Variants in BBS9 observed in about 807,000 individuals in gnomAD.
The protein encoded by BBS9 is protein PTHB1.
Under a neutral mutation model 117.7 loss-of-function variants are expected in BBS9, and 89 were observed. That is an observed-to-expected ratio of 0.76 (90% confidence interval 0.64 to 0.90). The LOEUF is 0.90. Among genes scored for constraint, BBS9 ranks in the 40% least tolerant of loss-of-function variants. The probability of loss-of-function intolerance (pLI) is 0.00; values close to 1 mark genes in which losing one functional copy is unlikely to be tolerated. For synonymous variants in BBS9, 379 were observed against 370.9 expected, an observed-to-expected ratio of 1.02 and a Z score of -0.25; for missense variants, 982 against 1,042.2, an observed-to-expected ratio of 0.94 and a Z score of 0.80.
In BBS9 at chr7:33,603,183, C is replaced by A. The variant is rs148148409; in HGVS notation, c.2522-1682C>A. Among the ~76,000 whole-genome samples the A allele has an allele frequency of 2.2e-3, 341 of 152,236 alleles. 2 individuals carry two copies. Among genetic ancestry groups the A allele is most frequent in the African/African-American group, 7.8e-3 (325 of 41,550 alleles). On this transcript the variant is annotated intron_variant, in intron 21 of 22. Transcript: ENST00000242067. The stretch of plus-strand genomic sequence containing the variant: ...TTGTCTTGTGTGTGAAGGCCGCTGC[C>A]TGAGTACAGCATTCCTGGCCTCCCC...
At chr7:33,206,916 T>C (rs1562796187) in intron 5 of BBS9, among the ~76,000 whole-genome samples, 1 of 152,198 alleles carries the variant, frequency 6.6e-6, no homozygotes, top group Non-Finnish European at 1.5e-5. Flanking sequence ...TCCAATTTTC[T>C]TTGTCTTTTA....
chr7:33,366,274 A>G (rs1821696345), intron 16 of BBS9, among the ~76,000 whole-genome samples: 1 of 152,186 alleles, frequency 6.6e-6, no homozygotes, highest in Non-Finnish European at 1.5e-5. Context: ...GGCTGTCACC[A>G]ATAGGCTGTT....
intron 12 of BBS9, among the ~76,000 whole-genome samples, chr7:33,345,890 A>G (rs1198205548): frequency 6.6e-6 from 1 of 152,080 alleles, no homozygotes; most frequent in Non-Finnish European, 1.5e-5. Flanking sequence ...TGCTAATTGT[A>G]CCCCCAGCCA....
In BBS9 at chr7:33,368,577, T is replaced by TACACACACACACACACAC. The variant is rs201655079; in HGVS notation, c.1789+738_1789+755dup. Among the ~76,000 whole-genome samples the TACACACACACACACACAC allele has an allele frequency of 1.3e-3, 163 of 128,460 alleles. 2 individuals carry two copies. The highest frequency in any genetic ancestry group is 4.4e-3 in the African/African-American group (158 of 36,168). The allele number at this position is 128,460 out of a possible 152,430, so 84.3% of individuals were successfully genotyped here. On this transcript the variant is annotated intron_variant, in intron 17 of 22. Coordinates refer to ENST00000242067, the MANE Select transcript of BBS9 (RefSeq NM_198428.3). ...ACGAATCTGTATTGAGAGAAAAAAG[T>TACACACACACACACACAC]ACACACACACACACACACACACACA...
intron 2 of BBS9, among the ~76,000 whole-genome samples, chr7:33,148,993 C>T (rs551881227): frequency 4.6e-5 from 7 of 152,192 alleles, no homozygotes; most frequent in South Asian, 2.1e-4. Flanking sequence ...TGTGTGGGCA[C>T]AATGGTAATG....
At chr7:33,218,665 T>C (rs1415518934) in intron 5 of BBS9, among the ~76,000 whole-genome samples, 2 of 152,220 alleles carry the variant, frequency 1.3e-5, no homozygotes, top group Admixed American at 6.5e-5. Flanking sequence ...TACATGCTAG[T>C]GTGCTAGCCC....
chr7:33,473,286 G>C (rs940585063), intron 19 of BBS9, among the ~76,000 whole-genome samples: 1 of 152,124 alleles, frequency 6.6e-6, no homozygotes, highest in Non-Finnish European at 1.5e-5. Context: ...GGCTGTACAA[G>C]TATCTGCATG....
At chr7:33,222,645 C>A (rs1336154356) in intron 5 of BBS9, among the ~76,000 whole-genome samples, 1 of 151,894 alleles carries the variant, frequency 6.6e-6, no homozygotes, top group African/African-American at 2.4e-5. Flanking sequence ...TTGTCTTTGT[C>A]CTGCTTGAAA....
intron 19 of BBS9, among the ~76,000 whole-genome samples, chr7:33,464,168 C>T (rs1048967028): frequency 6.6e-6 from 1 of 151,974 alleles, no homozygotes; most frequent in African/African-American, 2.4e-5. Context: ...TGCTAATATA[C>T]TTGAAAAACA....
intron 9 of BBS9, among the ~76,000 whole-genome samples, chr7:33,300,372 A>G (rs1806135720): frequency 2.0e-5 from 3 of 152,208 alleles, no homozygotes; most frequent in African/African-American, 4.8e-5. Flanking sequence ...TGCAGGGCAA[A>G]CAGAAAATAT....
chr7:33,389,108 G>A (rs917375090), intron 19 of BBS9, among the ~76,000 whole-genome samples: 13 of 152,108 alleles, frequency 8.5e-5, no homozygotes, highest in African/African-American at 2.7e-4. Flanking sequence ...AAAATCCACA[G>A]GTCTTATTCT....
rs77851522 is a variant in BBS9 at position 33,425,241 on chromosome 7, C to A, written c.2115+37097C>A. ...ATAGATCCCATTGTTAGTCTTTCTA[C>A]TTAGACCCCACTTTATCCAGTGGAG... On this transcript the variant is annotated intron_variant, in intron 19 of 22. Transcript: ENST00000242067. Among the ~76,000 whole-genome samples, 563 of 152,280 alleles carry A rather than the reference C, an allele frequency of 3.7e-3. 4 individuals are homozygous for A. The highest frequency in any genetic ancestry group is 0.013 in the African/African-American group (530 of 41,574).
intron 5 of BBS9, among the ~76,000 whole-genome samples, chr7:33,216,374 C>G (rs1015265155): frequency 6.6e-6 from 1 of 152,072 alleles, no homozygotes; most frequent in Non-Finnish European, 1.5e-5. Flanking sequence ...TTCAAAAAAA[C>G]AAGCCGAACT....
At chr7:33,484,512 T>C (rs1842847994) in intron 19 of BBS9, among the ~76,000 whole-genome samples, 1 of 152,174 alleles carries the variant, frequency 6.6e-6, no homozygotes, top group Non-Finnish European at 1.5e-5. Flanking sequence ...CAACAGCATT[T>C]TGACTGCAGC....
At chr7:33,522,963 TATGG>T (rs1848868327) in intron 20 of BBS9, among the ~76,000 whole-genome samples, 2 of 149,076 alleles carry the variant, frequency 1.3e-5, no homozygotes, top group Non-Finnish European at 3.0e-5. Context: ...GCTTTCTACA[TATGG>T]CTAGCCAGTT....
chr7:33,365,972 G>GT lies in BBS9; in HGVS notation c.1694-1794dup, dbSNP rs1333847880. On this transcript the variant is annotated intron_variant, in intron 16 of 22. Transcript: ENST00000242067. Reference sequence around the variant, plus strand: ...CTGGCTCACTCTGGTGGTAGCTCTGGTATCTGAGACATGGATGGGCATAGT... The same window carrying GT: ...CTGGCTCACTCTGGTGGTAGCTCTGGTTATCTGAGACATGGATGGGCATAGT... 2.0e-5 allele frequency among the ~76,000 whole-genome samples: 3 copies of GT among 152,314 alleles called. No homozygotes were observed. The East Asian group carries it at 5.8e-4, about 29-fold the overall frequency.
intron 20 of BBS9, among the ~76,000 whole-genome samples, chr7:33,521,455 T>A (rs904008072): frequency 6.6e-6 from 1 of 152,232 alleles, no homozygotes; most frequent in African/African-American, 2.4e-5. Flanking sequence ...AATTAAGTTT[T>A]TTCAGCTTGT....
chr7:33,534,729 T>C (rs1851103883), intron 21 of BBS9, among the ~76,000 whole-genome samples: 1 of 152,112 alleles, frequency 6.6e-6, no homozygotes, highest in South Asian at 2.1e-4. Flanking sequence ...CAGTCAGTGA[T>C]GGTCGTGGGC....
At chr7:33,588,825 G>A (rs962513123) in intron 21 of BBS9, among the ~76,000 whole-genome samples, 7 of 152,088 alleles carry the variant, frequency 4.6e-5, no homozygotes, top group Non-Finnish European at 1.5e-5. Flanking sequence ...GGAATGGTCA[G>A]CACCATCCCT....
Sources: allele counts gnomAD v4.1 joint callset (sites outside exome capture counted in the v4.1 genomes callset), GRCh38; gene constraint gnomAD v4.1.1; transcripts MANE v1.5; gene names NCBI Gene and HGNC (gene_info 2026-07-23, HGNC 2026-07-21).